CHST3: variants seen among roughly 807,000 people sequenced by gnomAD.
CHST3 encodes the protein C6ST-1.
A neutral mutation model predicts 35.4 loss-of-function variants in CHST3; 20 were observed. The observed-to-expected ratio is 0.57, with a 90% CI of 0.40 to 0.82. CHST3 has a LOEUF of 0.82. CHST3 is among the 40% of genes least tolerant of loss of function. The probability of loss-of-function intolerance (pLI) is 0.00; values close to 1 mark genes in which losing one functional copy is unlikely to be tolerated. For synonymous variants in CHST3, 334 were observed against 295.9 expected, an observed-to-expected ratio of 1.13 and a Z score of -1.32; for missense variants, 693 against 670.1, an observed-to-expected ratio of 1.03 and a Z score of -0.38.
Position 72,005,879 on chromosome 10 carries a change from G to T in CHST3, c.37G>T (p.Asp13Tyr). The change falls in exon 2 of 3, where the codon GAC becomes TAC. Residue 13 changes from aspartate to tyrosine, a missense_variant. Coordinates refer to ENST00000373115, the MANE Select transcript of CHST3 (RefSeq NM_004273.5). ...ACTCACTTTGCCCCAGGACTGCCGG[G>T]ACTTTGTGCACAGCCTGAAGATGAG... is the stretch of plus-strand genomic sequence containing the variant. ...KGLTLPQDCR[D>Y]FVHSLKMRSK... The T allele has an allele frequency of 6.2e-7, 1 of 1,614,210 alleles. No individual in the cohort carries two copies. Among genetic ancestry groups the T allele is most frequent in the Non-Finnish European group, 8.5e-7 (1 of 1,180,036 alleles).
At chr10:71,986,597 G>A (rs1839849201) in intron 1 of CHST3, among the ~76,000 whole-genome samples, 1 of 152,202 alleles carries the variant, frequency 6.6e-6, no homozygotes, top group Admixed American at 6.5e-5. Flanking sequence ...TTTGGCCATG[G>A]CCATGTCCAG....
intron 1 of CHST3, among the ~76,000 whole-genome samples, chr10:71,980,459 GA>G (rs201481076): frequency 6.6e-6 from 1 of 150,808 alleles, no homozygotes; most frequent in East Asian, 1.9e-4. Flanking sequence ...GTTTAAAAAA[GA>G]AAAAAAAAGC....
At chr10:71,977,409 C>G (rs1186626478) in intron 1 of CHST3, among the ~76,000 whole-genome samples, 1 of 151,640 alleles carries the variant, frequency 6.6e-6, no homozygotes, top group East Asian at 1.9e-4. Flanking sequence ...ACTATGCTGC[C>G]TCTTAGCCAG....
chr10:71,994,449 T>C (rs1839922910), intron 1 of CHST3, among the ~76,000 whole-genome samples: 1 of 152,136 alleles, frequency 6.6e-6, no homozygotes, highest in Non-Finnish European at 1.5e-5. Context: ...TTTTAAGCAG[T>C]AGGTGTCAAC....
At chr10:72,006,775 G>A (rs1164423209) in intron 2 of CHST3, among the ~76,000 whole-genome samples, 1 of 152,184 alleles carries the variant, frequency 6.6e-6, no homozygotes, top group Non-Finnish European at 1.5e-5. Context: ...ACTGAGCAAG[G>A]ACCGTTCTAG....
chr10:72,000,056 G>A lies in CHST3; in HGVS notation c.-107-5680G>A, dbSNP rs574885052. 4.6e-5 allele frequency among the ~76,000 whole-genome samples: 7 copies of A among 152,344 alleles called. No homozygotes were observed. In the South Asian group the frequency reaches 1.2e-3, roughly 27 times the overall value. ...ACAGTTGGTGGCCATGGTTCGCACCGTGGTCCCAGCACACGCCCTCAGCAT... is the reference window on the plus strand; with the variant it reads ...ACAGTTGGTGGCCATGGTTCGCACCATGGTCCCAGCACACGCCCTCAGCAT... On this transcript the variant is annotated intron_variant, in intron 1 of 2. Transcript: ENST00000373115.
At chr10:71,970,185 C>A (rs749442548) in intron 1 of CHST3, among the ~76,000 whole-genome samples, 1 of 152,098 alleles carries the variant, frequency 6.6e-6, no homozygotes, top group Non-Finnish European at 1.5e-5. Context: ...GCAGGGTGGG[C>A]CCCGGGAGCC....
In CHST3 at chr10:72,002,274, G is replaced by A. The variant is rs948894870; in HGVS notation, c.-107-3462G>A. 7.2e-5 allele frequency among the ~76,000 whole-genome samples: 11 copies of A among 152,218 alleles called. 1 individual carries two copies. Among genetic ancestry groups the A allele is most frequent in the Admixed American group, 3.9e-4 (6 of 15,286 alleles). ...AAAGCTGTGTTGCTCTGGGGATGAG[G>A]AGGCTGGAACAGCAACTTAAAAAAA... On this transcript the variant is annotated intron_variant, in intron 1 of 2. Coordinates refer to ENST00000373115, the MANE Select transcript of CHST3 (RefSeq NM_004273.5).
At chr10:71,987,679 G>A (rs1394791399) in intron 1 of CHST3, among the ~76,000 whole-genome samples, 1 of 135,032 alleles carries the variant, frequency 7.4e-6, no homozygotes, top group South Asian at 2.3e-4. Context: ...TTGTGCCACT[G>A]CACTCCACCC....
In CHST3 at chr10:72,008,813, C is replaced by G; in HGVS notation, c.*342C>G. 4.5e-6 allele frequency: 1 copy of G among 220,422 alleles called. No individual in the cohort carries two copies. Among genetic ancestry groups the G allele is most frequent in the Middle Eastern group, 1.6e-3 (1 of 628 alleles). 13.7% of individuals were successfully genotyped at this position (220,422 alleles called of 1,614,324 possible). On this transcript the variant is annotated 3_prime_UTR_variant, in exon 3 of 3. Transcript: ENST00000373115. The stretch of plus-strand genomic sequence containing the variant: ...TGCAGGCCAGAGTCCAAATATTTAA[C>G]AATCAGAAGGGGCAAGGCTCTGACC...
At chr10:71,977,571 T>G (rs1839758497) in intron 1 of CHST3, among the ~76,000 whole-genome samples, 1 of 151,408 alleles carries the variant, frequency 6.6e-6, no homozygotes, top group Non-Finnish European at 1.5e-5. Flanking sequence ...CACCTCAGCC[T>G]CCCAAGTAGG....
At chr10:72,001,378 G>A (rs555319231) in intron 1 of CHST3, among the ~76,000 whole-genome samples, 1 of 152,368 alleles carries the variant, frequency 6.6e-6, no homozygotes, top group Admixed American at 6.5e-5. Context: ...CCTGCAAAGA[G>A]GCCCCCAGTG....
At chr10:71,972,821 C>A (rs1424622338) in intron 1 of CHST3, among the ~76,000 whole-genome samples, 1 of 152,230 alleles carries the variant, frequency 6.6e-6, no homozygotes, top group African/African-American at 2.4e-5. Flanking sequence ...CCCTTTTCCC[C>A]TTGGCTTGGA....
At chr10:72,007,099 A>T in intron 2 of CHST3, 73 bp from the exon 3 acceptor site, 2 of 1,539,264 alleles carry the variant, frequency 1.3e-6, no homozygotes, top group Non-Finnish European at 1.8e-6. Flanking sequence ...ATCTGCTTGG[A>T]GGACTGCTTA....
intron 1 of CHST3, among the ~76,000 whole-genome samples, chr10:71,981,428 G>A (rs897158805): frequency 6.6e-6 from 1 of 152,212 alleles, no homozygotes. Flanking sequence ...CTTTGCGAGG[G>A]AGGGGAATGT....
chr10:71,978,937 G>C (rs1839773493), intron 1 of CHST3, among the ~76,000 whole-genome samples: 1 of 152,230 alleles, frequency 6.6e-6, no homozygotes, highest in South Asian at 2.1e-4. Context: ...ACCTTGGGGA[G>C]TCCAGTGCCA....
intron 1 of CHST3, among the ~76,000 whole-genome samples, chr10:71,971,554 C>T (rs892924226): frequency 3.3e-5 from 5 of 152,176 alleles, no homozygotes; most frequent in African/African-American, 9.7e-5. Context: ...TACCCTTTCC[C>T]GCTTCCCCCT....
In CHST3 at chr10:72,007,791, C is replaced by T. The variant is rs781075355; in HGVS notation, c.760C>T (p.Pro254Ser). The change falls in exon 3 of 3, where the codon CCC becomes TCC. Residue 254 changes from proline to serine, a missense_variant. Pro to Ser is a moderately conservative substitution (Grantham distance 74, BLOSUM62 -1). Transcript: ENST00000373115. ...KYHCKNRRCG[P>S]LNVTLAAEAC... ...CCACTGCAAGAACCGCCGCTGCGGCCCCCTCAACGTGACGCTGGCCGCAGA... is the reference window on the plus strand; with the variant it reads ...CCACTGCAAGAACCGCCGCTGCGGCTCCCTCAACGTGACGCTGGCCGCAGA... The T allele has an allele frequency of 6.2e-7, 1 of 1,601,790 alleles. No individual in the cohort carries two copies. The highest frequency in any genetic ancestry group is 1.7e-5 in the Admixed American group (1 of 59,960).
chr10:71,974,008 G>A (rs1371576816), intron 1 of CHST3, among the ~76,000 whole-genome samples: 3 of 152,186 alleles, frequency 2.0e-5, no homozygotes, highest in Non-Finnish European at 4.4e-5. Flanking sequence ...CTGTGTGGCC[G>A]TGGCCAAGTT....
Sources: gnomAD v4.1 joint callset for allele counts (sites outside exome capture counted in the v4.1 genomes callset) on GRCh38, gnomAD v4.1.1 for gene constraint, MANE v1.5 for transcripts, NCBI Gene and HGNC (gene_info 2026-07-23, HGNC 2026-07-21) for gene names.